KIF20B: variants seen among roughly 807,000 people sequenced by gnomAD.
KIF20B encodes the protein kinesin-like protein KIF20B.
Under a neutral mutation model 232.5 loss-of-function variants are expected in KIF20B, and 188 were observed. That is an observed-to-expected ratio of 0.81 (90% CI 0.72 to 0.91). The LOEUF (loss-of-function observed/expected upper bound fraction) is 0.91. KIF20B is among the 40% of genes least tolerant of loss of function. The probability of loss-of-function intolerance (pLI) is 0.00; values close to 1 mark genes in which losing one functional copy is unlikely to be tolerated. For missense variants in KIF20B, 2,154 were observed against 2,055.9 expected (o/e 1.05, Z -0.92); for synonymous variants, 712 against 683.0 (o/e 1.04, Z -0.66).
chr10:89,763,740 T>A (rs1243772935), intron 29 of KIF20B, among the ~76,000 whole-genome samples: 1 of 151,894 alleles, frequency 6.6e-6, no homozygotes, highest in Non-Finnish European at 1.5e-5. Flanking sequence ...GATCCTGTTT[T>A]CTCCTTTTTG....
intron 19 of KIF20B, among the ~76,000 whole-genome samples, chr10:89,736,877 C>T (rs907326930): frequency 2.4e-4 from 36 of 152,004 alleles, no homozygotes; most frequent in African/African-American, 8.5e-4. Flanking sequence ...TATATGAATT[C>T]CCAAAGTTTT....
At chr10:89,770,379 A>T (rs1163453824) in intron 31 of KIF20B, among the ~76,000 whole-genome samples, 1 of 152,030 alleles carries the variant, frequency 6.6e-6, no homozygotes, top group Non-Finnish European at 1.5e-5. Context: ...AACAGAAAAT[A>T]TCTGGAGGGA....
chr10:89,742,972 A>G (rs1841836211), intron 21 of KIF20B, among the ~76,000 whole-genome samples: 2 of 152,152 alleles, frequency 1.3e-5, no homozygotes, highest in African/African-American at 4.8e-5. Flanking sequence ...GAGTGCTGGT[A>G]TTACAGGCAT....
chr10:89,710,124 T>C, intron 5 of KIF20B, 59 bp downstream of exon 5: 1 of 1,454,842 alleles, frequency 6.9e-7, no homozygotes, highest in Non-Finnish European at 9.4e-7. Flanking sequence ...TCACTCAGTG[T>C]TTTTATAATA....
chr10:89,722,664 G>A (rs886992690), intron 13 of KIF20B, among the ~76,000 whole-genome samples: 2 of 151,942 alleles, frequency 1.3e-5, no homozygotes, highest in Non-Finnish European at 2.9e-5. Context: ...GTGAGACTCC[G>A]TCTCAAAAAA....
intron 13 of KIF20B, 108 bp from the exon 14 acceptor site, chr10:89,723,856 G>T: frequency 1.1e-6 from 1 of 901,206 alleles, no homozygotes; most frequent in Non-Finnish European, 1.5e-6. Context: ...AAAGGACACA[G>T]AATTACAATT....
intron 13 of KIF20B, among the ~76,000 whole-genome samples, chr10:89,722,106 G>A (rs999669226): frequency 6.6e-6 from 1 of 151,976 alleles, no homozygotes; most frequent in Non-Finnish European, 1.5e-5. Context: ...TAGACATGAG[G>A]CCTTGCTCTA....
chr10:89,719,344 T>A, intron 12 of KIF20B, 75 bp from the exon 13 acceptor site: 2 of 1,103,706 alleles, frequency 1.8e-6, no homozygotes, highest in East Asian at 4.8e-5. Flanking sequence ...TTGACTTAAA[T>A]TTATAAAATA....
At chr10:89,735,688 C>T (rs1470478811) in intron 19 of KIF20B, among the ~76,000 whole-genome samples, 1 of 151,890 alleles carries the variant, frequency 6.6e-6, no homozygotes, top group African/African-American at 2.4e-5. Flanking sequence ...CAGGCGCCCA[C>T]CACCACACCC....
At chr10:89,764,095 G>GT (rs1397217084) in intron 29 of KIF20B, among the ~76,000 whole-genome samples, 1 of 128,040 alleles carries the variant, frequency 7.8e-6, no homozygotes, top group East Asian at 2.3e-4. Context: ...CCCTTCCTGT[G>GT]TCCATGTGTT....
chr10:89,739,375 C>T (rs868440651), intron 21 of KIF20B, among the ~76,000 whole-genome samples: 7 of 152,058 alleles, frequency 4.6e-5, no homozygotes, highest in African/African-American at 1.4e-4. Context: ...TGGAAAGCAA[C>T]TTGTTTACAG....
At chr10:89,727,744 T>C (rs1355418757) in intron 16 of KIF20B, 112 bp from the exon 17 acceptor site, 2 of 960,084 alleles carry the variant, frequency 2.1e-6, no homozygotes, top group African/African-American at 1.7e-5. Flanking sequence ...AAATCCTTTT[T>C]ATTGAATGTA....
At chr10:89,713,868 T>C (rs1217577154) in intron 6 of KIF20B, among the ~76,000 whole-genome samples, 179 bp from the exon 7 acceptor site, 2 of 151,820 alleles carry the variant, frequency 1.3e-5, no homozygotes, top group African/African-American at 4.8e-5. Context: ...TTTTCATAGT[T>C]CTCTGTATTT....
In KIF20B at chr10:89,768,293, T is replaced by G. The variant is rs1447403733; in HGVS notation, c.4993T>G (p.Leu1665Val). Reference protein sequence around the residue: ...KRKSNEMEEDLVKCENKKNAT... With the variant: ...KRKSNEMEEDVVKCENKKNAT... ...TGCTAAAATTCATTATTTTTAGGAC[T>G]TGGTGAAATGTGAAAATAAGAAGAA... Residue 1665 changes from leucine to valine, a missense_variant, in exon 30 of 33, where the codon TTG becomes GTG. Physicochemically the swap from Leu to Val is conservative, Grantham distance 32. Transcript: ENST00000371728. The G allele has an allele frequency of 2.6e-6, 4 of 1,537,664 alleles. No individual in the cohort carries two copies. The highest frequency in any genetic ancestry group is 3.6e-6 in the Non-Finnish European group (4 of 1,126,040).
Position 89,714,968 on chromosome 10 carries a change from C to T in KIF20B, c.726C>T (p.Asn242=). ...TTTTTTTTGTAGGAAGTTTAACTAACTCTTTGAATATCTCAGAGTTTGAAG... is the reference window on the plus strand; with the variant it reads ...TTTTTTTTGTAGGAAGTTTAACTAATTCTTTGAATATCTCAGAGTTTGAAG... The part of the protein sequence containing the change: ...SDDTLYGSLT[N]SLNISEFEES... The change falls in exon 8 of 33, where the codon AAC becomes AAT. Residue 242 remains asparagine, a synonymous_variant. Coordinates refer to ENST00000371728, the MANE Select transcript of KIF20B (RefSeq NM_001284259.2). 6.4e-7 allele frequency: 1 copy of T among 1,557,068 alleles called. No individual in the cohort carries two copies.
At chr10:89,701,902 C>G (rs1054480720) in intron 1 of KIF20B, among the ~76,000 whole-genome samples, 22 of 152,174 alleles carry the variant, frequency 1.4e-4, no homozygotes, top group African/African-American at 5.3e-4. Context: ...AATCTCGCCT[C>G]CACTGCTAAT....
In KIF20B at chr10:89,729,194, A is replaced by G. The variant is rs147005975; in HGVS notation, c.2338A>G (p.Ile780Val). The change falls in exon 18 of 33, where the codon ATC (isoleucine) becomes GTC (valine). Residue 780 changes from isoleucine (I) to valine (V), a missense_variant. Ile to Val is a conservative substitution (Grantham distance 29). Transcript: ENST00000371728. ...INIIDQKEDT[I>V]NEFQNLKSHM... The stretch of plus-strand genomic sequence containing the variant: ...TATAATTGATCAAAAAGAAGATACT[A>G]TCAACGAATTTCAGAACCTAAAGTC... 587 of 1,490,776 alleles carry G rather than the reference A, an allele frequency of 3.9e-4. 1 individual carries two copies. Among genetic ancestry groups the G allele is most frequent in the Middle Eastern group, 1.0e-3 (6 of 5,722 alleles). 92.3% of individuals were successfully genotyped at this position (1,490,776 alleles called of 1,614,324 possible).
intron 1 of KIF20B, among the ~76,000 whole-genome samples, 188 bp from the exon 2 acceptor site, chr10:89,705,106 G>A (rs1842694086): frequency 1.3e-5 from 2 of 152,174 alleles, no homozygotes; most frequent in South Asian, 2.1e-4. Context: ...TAGAATCAGA[G>A]TCTGTAAATA....
rs1843189559 is a variant in KIF20B, at chr10:89,726,498, A to G, written c.2207A>G (p.Glu736Gly). ...AAAGGAGAATTAATCAAAACCAAAG[A>G]AGAGTTAAAAAAGAGAGAAAATGGT... ...KTKGELIKTKEELKKRENESD... is the reference protein window; with the variant it reads ...KTKGELIKTKGELKKRENESD... The change falls in exon 16 of 33, where the codon GAA (glutamate) becomes GGA (glycine). Residue 736 changes from glutamate (E) to glycine (G), a missense_variant. Physicochemically the swap from Glu to Gly is moderately conservative, Grantham distance 98. Transcript: ENST00000371728. 1.9e-6 allele frequency: 3 copies of G among 1,596,278 alleles called. No individual in the cohort carries two copies. The East Asian group carries it at 6.8e-5, about 36-fold the overall frequency.
Sources: allele counts gnomAD v4.1 joint callset (sites outside exome capture counted in the v4.1 genomes callset), GRCh38; gene constraint gnomAD v4.1.1; transcripts MANE v1.5; gene names NCBI Gene and HGNC (gene_info 2026-07-23, HGNC 2026-07-21).